Variants in C7orf25 observed in about 807,000 individuals in gnomAD.
C7orf25 encodes chromosome 7 open reading frame 25.
In C7orf25, 14 loss-of-function variants were observed where a neutral mutation model predicts 25.5. The ratio of observed to expected loss-of-function variants is 0.55; its 90% CI spans 0.36 to 0.86. The LOEUF (loss-of-function observed/expected upper bound fraction) is 0.86, where lower values mean the gene tolerates loss of function less well. C7orf25 is among the 40% of genes least tolerant of loss of function. C7orf25 has a pLI of 0.01. For missense variants in C7orf25, 405 were observed against 493.9 expected (o/e 0.82, Z 1.71); for synonymous variants, 184 against 179.9 (o/e 1.02, Z -0.18).
In C7orf25 at chr7:42,910,742, T is replaced by G. The variant is rs1227924506; in HGVS notation, c.159A>C (p.Glu53Asp). The change falls in exon 2 of 2, where the codon GAA becomes GAC. Residue 53 changes from glutamate to aspartate, a missense_variant. By Grantham distance (45) the Glu-to-Asp change is conservative. Coordinates refer to ENST00000350427, the MANE Select transcript of C7orf25 (RefSeq NM_001099858.2). ...ACTCTTTAATAGCTACTTTCCCAGC[T>G]TCTACTTTCTGCAAGAATTTTAATT... Reference protein sequence around the residue: ...KAELKFLQKVEAGKVAIKESH... With the variant: ...KAELKFLQKVDAGKVAIKESH... 1 of 1,614,190 alleles carries G rather than the reference T, an allele frequency of 6.2e-7. No homozygotes were observed. Among genetic ancestry groups the G allele is most frequent in the Admixed American group, 1.7e-5 (1 of 60,030 alleles).
rs536243937 is a variant in C7orf25 at position 42,912,056 on chromosome 7, C to A, written c.-163G>T. ...CCCGCGCGAGCCCCGCCGCCTCGGG[C>A]ACCTCCTGCATCACGTGGTTCCGGG... On this transcript the variant is annotated 5_prime_UTR_variant, in exon 1 of 2. Transcript: ENST00000350427. 16 of 1,450,892 alleles carry A rather than the reference C, an allele frequency of 1.1e-5. No individual in the cohort carries two copies. The highest frequency in any genetic ancestry group is 2.7e-5 in the Admixed American group (1 of 36,978). The allele number at this position is 1,450,892 out of a possible 1,614,324, so 89.9% of individuals were successfully genotyped here. A position where few individuals can be genotyped will look rare whatever the true frequency, so the allele number is the denominator to read the frequency against.
rs978488076 is a variant in C7orf25, at chr7:42,909,745, G to A, written c.1156C>T (p.Gln386Ter). ...NSGFVRAANN[Q>*]GVKFSVFIHQ... ...ATAAACACACTAAATTTAACACCCT[G>A]GTTGTTTGCAGCTCTGACAAAACCA... The change falls in exon 2 of 2, where the codon CAG becomes TAG. Residue 386 changes from glutamine to a stop codon, truncating the protein, a stop_gained. Coordinates refer to ENST00000350427, the MANE Select transcript of C7orf25 (RefSeq NM_001099858.2). LOFTEE classifies it high-confidence loss of function. 6.2e-7 allele frequency: 1 copy of A among 1,614,018 alleles called. No homozygotes were observed. The highest frequency in any genetic ancestry group is 8.5e-7 in the Non-Finnish European group (1 of 1,180,042).
rs1388272881 is a variant in C7orf25, at chr7:42,911,873, G to A, written c.-22+42C>T. 7.1e-6 allele frequency: 10 copies of A among 1,400,920 alleles called. No individual in the cohort carries two copies. The East Asian group carries it at 9.2e-5, about 13-fold the overall frequency. 86.8% of individuals were successfully genotyped at this position (1,400,920 alleles called of 1,614,324 possible). On this transcript the variant is annotated intron_variant, in intron 1 of 1. Transcript: ENST00000350427. ...AGCCCCCTCTGGCCTCAGAAGAGGC[G>A]CCCCGCTCCCAGCCTCCCCGCCTCG...
chr7:42,910,679 G>C lies in C7orf25; in HGVS notation c.222C>G (p.Ala74=), dbSNP rs1471776142. ...CCAGGTTTTCTGCTGATTCCACAAT[G>C]GCTCTCAGGTGTGTTAGGTTAGTGC... ...LQSTNLTHLR[A]IVESAENLEE... is the part of the protein sequence containing the mutation. Residue 74 remains alanine (A), a synonymous_variant, in exon 2 of 2, where the codon GCC becomes GCG. Transcript: ENST00000350427. 6.2e-7 allele frequency: 1 copy of C among 1,614,112 alleles called. No individual in the cohort carries two copies. The highest frequency in any genetic ancestry group is 1.7e-5 in the Admixed American group (1 of 60,030).
At position 42,910,903 on chromosome 7, in the gene C7orf25, T is replaced by C; in HGVS notation, c.-3A>G. ...CAGAGCATGGAATGTGCAGACATGC[T>C]GTCAGCATTATTCCTTTCCTAGGGA... On this transcript the variant is annotated 5_prime_UTR_variant, in exon 2 of 2. Coordinates refer to ENST00000350427, the MANE Select transcript of C7orf25 (RefSeq NM_001099858.2). 2 of 1,613,102 alleles carry C rather than the reference T, an allele frequency of 1.2e-6. No individual in the cohort carries two copies. The highest frequency in any genetic ancestry group is 1.7e-6 in the Non-Finnish European group (2 of 1,179,880).
rs1322611823 is a variant in C7orf25 at position 42,910,265 on chromosome 7, T to C, written c.636A>G (p.Ser212=). ...GCAAAAGTTCAGGGCCCTCATCATC[T>C]GATTCACTCTCACTTGGTTGAAGCT... ...PEELQPSESE[S]DDEGPELLQV... Residue 212 remains serine, a synonymous_variant, in exon 2 of 2, where the codon TCA becomes TCG. Transcript: ENST00000350427. 1 of 1,614,242 alleles carries C rather than the reference T, an allele frequency of 6.2e-7. No homozygotes were observed.
Position 42,909,595 on chromosome 7 carries a change from A to T in C7orf25, c.*40T>A, listed in dbSNP as rs1252987284. 4 of 1,563,004 alleles carry T rather than the reference A, an allele frequency of 2.6e-6. No homozygotes were observed. Among genetic ancestry groups the T allele is most frequent in the African/African-American group, 2.7e-5 (2 of 73,088 alleles). The stretch of plus-strand genomic sequence containing the variant: ...TAGATGGGAAGACCCAGCCTTTGGT[A>T]TAAATAACTTACTTCCACAAAAATA... On this transcript the variant is annotated 3_prime_UTR_variant, in exon 2 of 2. Coordinates refer to ENST00000350427, the MANE Select transcript of C7orf25 (RefSeq NM_001099858.2).
At chr7:42,911,890 C>T (rs1785914955) in intron 1 of C7orf25, 25 bp downstream of exon 1, 1 of 1,425,788 alleles carries the variant, frequency 7.0e-7, no homozygotes, top group Non-Finnish European at 9.1e-7. Context: ...TCCCAGCCTC[C>T]CCGCCTCGCT....
chr7:42,911,125 T>G (rs1785884819), intron 1 of C7orf25: 2 of 899,078 alleles, frequency 2.2e-6, no homozygotes, highest in African/African-American at 3.3e-5. Flanking sequence ...GAACTCTTCT[T>G]TAGGTACGTC....
rs1212008739 is a variant in C7orf25 at position 42,912,031 on chromosome 7, C to A, written c.-138G>T. On this transcript the variant is annotated 5_prime_UTR_variant, in exon 1 of 2. Transcript: ENST00000350427. ...CCGCTCGAACGCCGAGGCGGCTCCACCCGCGCGAGCCCCGCCGCCTCGGGC... is the reference window on the plus strand; with the variant it reads ...CCGCTCGAACGCCGAGGCGGCTCCAACCGCGCGAGCCCCGCCGCCTCGGGC... 5 of 1,472,136 alleles carry A rather than the reference C, an allele frequency of 3.4e-6. No homozygotes were observed. The highest frequency in any genetic ancestry group is 5.0e-5 in the Admixed American group (2 of 40,246). 91.2% of individuals were successfully genotyped at this position (1,472,136 alleles called of 1,614,324 possible).
intron 1 of C7orf25, chr7:42,911,332 G>C: frequency 1.8e-6 from 2 of 1,129,460 alleles, no homozygotes; most frequent in Non-Finnish European, 2.2e-6. Context: ...ACACAGACTG[G>C]CTAGTTAGCA....
At chr7:42,911,031 T>C in intron 1 of C7orf25, 110 bp from the exon 2 acceptor site, 1 of 1,547,894 alleles carries the variant, frequency 6.5e-7, no homozygotes, top group Non-Finnish European at 8.7e-7. Context: ...GGAGGGTGAG[T>C]CTATGAACCC....
intron 1 of C7orf25, chr7:42,911,443 T>G: frequency 9.9e-7 from 1 of 1,006,608 alleles, no homozygotes; most frequent in Non-Finnish European, 1.2e-6. Flanking sequence ...GCCTCATGAT[T>G]TCCCCCGAGG....
In C7orf25 at chr7:42,909,568, T is replaced by G; in HGVS notation, c.*67A>C. 1 of 1,508,730 alleles carries G rather than the reference T, an allele frequency of 6.6e-7. No individual in the cohort carries two copies. Among genetic ancestry groups the G allele is most frequent in the Non-Finnish European group, 8.9e-7 (1 of 1,122,434 alleles). The allele number at this position is 1,508,730 out of a possible 1,614,324, so 93.5% of individuals were successfully genotyped here. ...TACTATAGACCTTTTTTCCCACCAGTTTAGATGGGAAGACCCAGCCTTTGG... is the reference window on the plus strand; with the variant it reads ...TACTATAGACCTTTTTTCCCACCAGGTTAGATGGGAAGACCCAGCCTTTGG... On this transcript the variant is annotated 3_prime_UTR_variant, in exon 2 of 2. Coordinates refer to ENST00000350427, the MANE Select transcript of C7orf25 (RefSeq NM_001099858.2).
chr7:42,911,893 G>A, intron 1 of C7orf25, 22 bp downstream of exon 1: 1 of 1,426,986 alleles, frequency 7.0e-7, no homozygotes, highest in Non-Finnish European at 9.1e-7. Flanking sequence ...CAGCCTCCCC[G>A]CCTCGCTCCC....
chr7:42,911,401 C>T (rs1258375942), intron 1 of C7orf25: 2 of 1,023,368 alleles, frequency 2.0e-6, no homozygotes, highest in African/African-American at 3.5e-5. Flanking sequence ...TAACCTTTTC[C>T]TCCTTCCCGA....
Position 42,910,718 on chromosome 7 carries a change from C to T in C7orf25, c.183G>A (p.Glu61=), listed in dbSNP as rs752224335. ...KVEAGKVAIK[E]SHLQSTNLTH... is the part of the protein sequence containing the mutation. ...TTAGGTTAGTGCTCTGTAAATGAGA[C>T]TCTTTAATAGCTACTTTCCCAGCTT... The change falls in exon 2 of 2, where the codon GAG becomes GAA. Residue 61 remains glutamate, a synonymous_variant. Transcript: ENST00000350427. 9 of 1,614,164 alleles carry T rather than the reference C, an allele frequency of 5.6e-6. No individual in the cohort carries two copies. Among genetic ancestry groups the T allele is most frequent in the East Asian group, 4.5e-5 (2 of 44,880 alleles).
In C7orf25 at chr7:42,911,968, G is replaced by A. The variant is rs1311234065; in HGVS notation, c.-75C>T. On this transcript the variant is annotated 5_prime_UTR_variant, in exon 1 of 2. Transcript: ENST00000350427. ...ACGCAGGCGCGTGCACGCAGAGGCC[G>A]GGACCCGCCGGGAAATCTCAACCGG... 1.9e-5 allele frequency: 29 copies of A among 1,495,708 alleles called. No homozygotes were observed. Among genetic ancestry groups the A allele is most frequent in the Non-Finnish European group, 2.4e-5 (27 of 1,130,908 alleles). The allele number at this position is 1,495,708 out of a possible 1,614,324, so 92.7% of individuals were successfully genotyped here.
rs1460155337 is a variant in C7orf25 at position 42,909,921 on chromosome 7, G to C, written c.980C>G (p.Ala327Gly). The C allele has an allele frequency of 6.2e-7, 1 of 1,614,132 alleles. No individual in the cohort carries two copies. Residue 327 changes from alanine (A) to glycine (G), a missense_variant, in exon 2 of 2, where the codon GCC becomes GGC. Ala to Gly is a moderately conservative substitution (Grantham distance 60). Transcript: ENST00000350427. ...ATTAATTCGCTTAATTAACACAGTG[G>C]CCCTCTCTCTCTCCCCAGGTCCTCC... ...TLGGPGERER[A>G]TVLIKRINVV...
Sources: gnomAD v4.1 joint callset for allele counts on GRCh38, gnomAD v4.1.1 for gene constraint, MANE v1.5 for transcripts, NCBI Gene and HGNC (gene_info 2026-07-23, HGNC 2026-07-21) for gene names.